The following PPP1R16B variants were observed in gnomAD, a reference collection of about 807,000 sequenced individuals.
PPP1R16B encodes protein phosphatase 1 regulatory inhibitor subunit 16B.
A neutral mutation model predicts 61.7 loss-of-function variants in PPP1R16B; 14 were observed. That is an observed-to-expected ratio of 0.23 (90% confidence interval 0.15 to 0.35). The LOEUF is 0.35. PPP1R16B is among the 10% of genes least tolerant of loss of function. The probability of loss-of-function intolerance (pLI) is 1.00; values close to 1 mark genes in which losing one functional copy is unlikely to be tolerated. For synonymous variants in PPP1R16B, 266 were observed against 305.3 expected, an observed-to-expected ratio of 0.87 and a Z score of 1.34; for missense variants, 547 against 752.5, an observed-to-expected ratio of 0.73 and a Z score of 3.19.
At chr20:38,809,044 G>C (rs59485799) in intron 1 of PPP1R16B, among the ~76,000 whole-genome samples, 2 of 48,350 alleles carry the variant, frequency 4.1e-5, no homozygotes, top group Non-Finnish European at 8.3e-5. Flanking sequence ...AAAAGAAAAA[G>C]AAAAAAAAAA....
intron 1 of PPP1R16B, among the ~76,000 whole-genome samples, chr20:38,814,134 G>A (rs998542914): frequency 1.3e-5 from 2 of 152,126 alleles, no homozygotes; most frequent in African/African-American, 4.8e-5. Context: ...TTACTGTTCA[G>A]GAAAGTGAAG....
At chr20:38,875,283 GC>G (rs1172926942) in intron 2 of PPP1R16B, among the ~76,000 whole-genome samples, 1 of 152,170 alleles carries the variant, frequency 6.6e-6, no homozygotes, top group Admixed American at 6.5e-5. Flanking sequence ...TCCCCTCCGG[GC>G]CCAGCCAGCT....
At chr20:38,818,044 AAAAAC>A (rs565243329) in intron 1 of PPP1R16B, among the ~76,000 whole-genome samples, 69 of 152,370 alleles carry the variant, frequency 4.5e-4, no homozygotes, top group African/African-American at 1.7e-3. Flanking sequence ...ACTCCGTCTC[AAAAAC>A]AAAACAAAAC....
chr20:38,838,711 C>T (rs1482778084), intron 2 of PPP1R16B, among the ~76,000 whole-genome samples: 1 of 152,210 alleles, frequency 6.6e-6, no homozygotes, highest in Non-Finnish European at 1.5e-5. Context: ...GCCTTCTTCC[C>T]TGACAAAGCC....
chr20:38,867,047 T>G (rs2085095344), intron 2 of PPP1R16B, among the ~76,000 whole-genome samples: 2 of 152,204 alleles, frequency 1.3e-5, no homozygotes, highest in Non-Finnish European at 2.9e-5. Context: ...GGCGTAATGT[T>G]TTTCGGGTTC....
chr20:38,849,207 G>A lies in PPP1R16B; in HGVS notation c.250+13032G>A, dbSNP rs183850078. 2.3e-3 allele frequency among the ~76,000 whole-genome samples: 352 copies of A among 152,148 alleles called. 1 individual carries two copies. Among genetic ancestry groups the A allele is most frequent in the African/African-American group, 7.9e-3 (328 of 41,506 alleles). On this transcript the variant is annotated intron_variant, in intron 2 of 10. Coordinates refer to ENST00000299824, the MANE Select transcript of PPP1R16B (RefSeq NM_015568.4). ...TTTGTACATTAATGTTATACCAAGCGAATTTACTGAATTCACCTTAGTCTT... is the reference window on the plus strand; with the variant it reads ...TTTGTACATTAATGTTATACCAAGCAAATTTACTGAATTCACCTTAGTCTT...
intron 2 of PPP1R16B, among the ~76,000 whole-genome samples, chr20:38,852,035 G>A (rs983454806): frequency 2.0e-5 from 3 of 152,076 alleles, no homozygotes; most frequent in Non-Finnish European, 2.9e-5. Flanking sequence ...CCTGTATCTC[G>A]CGGGGACGGC....
rs1272725564 is a variant in PPP1R16B, at chr20:38,907,958, A to C, written c.1028+23A>C. 6.2e-7 allele frequency: 1 copy of C among 1,614,064 alleles called. No homozygotes were observed. Among genetic ancestry groups the C allele is most frequent in the South Asian group, 1.1e-5 (1 of 91,076 alleles). ...TGGGTGAGTCCGGGGCAGGGCAGCCAGGAGTCCCTGTGTGTGCTCCTGCCT... is the reference window on the plus strand; with the variant it reads ...TGGGTGAGTCCGGGGCAGGGCAGCCCGGAGTCCCTGTGTGTGCTCCTGCCT... On this transcript the variant is annotated intron_variant, in intron 9 of 10. Transcript: ENST00000299824. The surrounding 1 kb of genome is among the most constrained non-coding windows in gnomAD (Gnocchi z 4.5).
Position 38,896,079 on chromosome 20 carries a change from C to T in PPP1R16B, c.467+369C>T, listed in dbSNP as rs13038215. Among the ~76,000 whole-genome samples the T allele has an allele frequency of 2.2e-4, 28 of 129,292 alleles. 1 individual carries two copies. Among genetic ancestry groups the T allele is most frequent in the African/African-American group, 9.5e-4 (28 of 29,374 alleles). The allele number at this position is 129,292 out of a possible 152,430, so 84.8% of individuals were successfully genotyped here. A position where few individuals can be genotyped will look rare whatever the true frequency, so the allele number is the denominator to read the frequency against. ...CCTCCCTTCCTTTCTTCCCTCCCTT[C>T]CTCCCTTTCTGCCTTTCTTCTGTCT... On this transcript the variant is annotated intron_variant, in intron 4 of 10. Coordinates refer to ENST00000299824, the MANE Select transcript of PPP1R16B (RefSeq NM_015568.4).
chr20:38,909,083 A>C (rs1175422758), intron 10 of PPP1R16B, among the ~76,000 whole-genome samples: 1 of 151,360 alleles, frequency 6.6e-6, no homozygotes, highest in Non-Finnish European at 1.5e-5. Flanking sequence ...ATCACTGAAG[A>C]CTCCAACTCA....
chr20:38,882,511 A>T (rs562567850), intron 2 of PPP1R16B, among the ~76,000 whole-genome samples: 12 of 152,056 alleles, frequency 7.9e-5, no homozygotes, highest in Non-Finnish European at 1.3e-4. Flanking sequence ...CTCCCAAAGC[A>T]TTGGGATTAC....
chr20:38,827,139 C>CGG (rs1014666309), intron 1 of PPP1R16B, among the ~76,000 whole-genome samples: 3 of 152,030 alleles, frequency 2.0e-5, no homozygotes, highest in Non-Finnish European at 4.4e-5. Flanking sequence ...TTTGTAGAGA[C>CGG]GGGGTCTTGC....
At chr20:38,861,252 A>T (rs1008495627) in intron 2 of PPP1R16B, among the ~76,000 whole-genome samples, 4 of 152,146 alleles carry the variant, frequency 2.6e-5, no homozygotes, top group African/African-American at 4.8e-5. Flanking sequence ...ACCTGGTGGG[A>T]TGTTGGCCCC....
At chr20:38,807,959 A>C (rs1232062466) in intron 1 of PPP1R16B, among the ~76,000 whole-genome samples, 4 of 152,190 alleles carry the variant, frequency 2.6e-5, no homozygotes, top group Admixed American at 2.6e-4. Context: ...GTGCCCACTC[A>C]GACTTTGCTC....
chr20:38,836,375 A>G (rs1228672220), intron 2 of PPP1R16B, among the ~76,000 whole-genome samples, 200 bp downstream of exon 2: 1 of 151,966 alleles, frequency 6.6e-6, no homozygotes, highest in African/African-American at 2.4e-5. Flanking sequence ...TTTCTAAGAC[A>G]GGGTCTCGCT....
chr20:38,868,087 T>G (rs2085102188), intron 2 of PPP1R16B, among the ~76,000 whole-genome samples: 1 of 152,228 alleles, frequency 6.6e-6, no homozygotes, highest in South Asian at 2.1e-4. Context: ...CTTTTCTTAC[T>G]GCTCCTCCCC....
chr20:38,814,546 G>T (rs767585518), intron 1 of PPP1R16B, among the ~76,000 whole-genome samples: 1 of 152,148 alleles, frequency 6.6e-6, no homozygotes, highest in Non-Finnish European at 1.5e-5. Context: ...TGGCAGGTAG[G>T]AGGTACCTGA....
intron 2 of PPP1R16B, among the ~76,000 whole-genome samples, chr20:38,856,496 G>T (rs2085009721): frequency 6.6e-6 from 1 of 152,174 alleles, no homozygotes; most frequent in Non-Finnish European, 1.5e-5. Context: ...GGTAGGTGTG[G>T]TGAGTTTATT....
At chr20:38,899,329 T>C (rs901763313) in intron 4 of PPP1R16B, among the ~76,000 whole-genome samples, 2 of 152,174 alleles carry the variant, frequency 1.3e-5, no homozygotes, top group African/African-American at 4.8e-5. Flanking sequence ...TCAGTGATGG[T>C]GCTAAGAGGA....
Sources: allele counts gnomAD v4.1 joint callset (sites outside exome capture counted in the v4.1 genomes callset), GRCh38; gene constraint gnomAD v4.1.1; non-coding constraint Gnocchi (gnomAD v3.1); transcripts MANE v1.5; gene names NCBI Gene and HGNC (gene_info 2026-07-23, HGNC 2026-07-21).